TMOD2: variants seen among roughly 807,000 people sequenced by gnomAD.
TMOD2 encodes tropomodulin-2.
TMOD2 carries 22 observed loss-of-function variants against 39.9 expected under a neutral mutation model. The ratio of observed to expected loss-of-function variants is 0.55; its 90% CI spans 0.39 to 0.79. The LOEUF is 0.79. Among genes scored for constraint, TMOD2 ranks in the 30% least tolerant of loss-of-function variants. The probability of loss-of-function intolerance (pLI) is 0.00; values close to 1 mark genes in which losing one functional copy is unlikely to be tolerated. For missense variants in TMOD2, 386 were observed against 413.3 expected (o/e 0.93, Z 0.57); for synonymous variants, 123 against 146.1 (o/e 0.84, Z 1.14).
rs188553247 is a variant in TMOD2 at position 51,771,348 on chromosome 15, A to G, written c.284-2364A>G. Among the ~76,000 whole-genome samples, 33 of 152,328 alleles carry G rather than the reference A, an allele frequency of 2.2e-4. No homozygotes were observed. The East Asian group carries it at 5.4e-3, about 25-fold the overall frequency. On this transcript the variant is annotated intron_variant, in intron 3 of 9. Transcript: ENST00000249700. ...CTGCACAACCACAGTTCTGAACACT[A>G]TGTGCTGGCACACCTCAGGTTCCTG... is the stretch of plus-strand genomic sequence containing the variant.
At chr15:51,775,512 G>C (rs2055880523) in intron 4 of TMOD2, among the ~76,000 whole-genome samples, 1 of 151,790 alleles carries the variant, frequency 6.6e-6, no homozygotes, top group Non-Finnish European at 1.5e-5. Flanking sequence ...TTTATCAAAT[G>C]GGACACCTTC....
At position 51,810,666 on chromosome 15, in the gene TMOD2, A is replaced by G. The variant is rs2056150500; in HGVS notation, c.*2212A>G. ...TGCCGAAGGGAAGAACATTTCTCTT[A>G]GATGTCTTTTCTCCTCTTTGGATTT... On this transcript the variant is annotated 3_prime_UTR_variant, in exon 10 of 10. Coordinates refer to ENST00000249700, the MANE Select transcript of TMOD2 (RefSeq NM_014548.4). 1 of 151,906 alleles carries G rather than the reference A, an allele frequency of 6.6e-6. No homozygotes were observed. Among genetic ancestry groups the G allele is most frequent in the Non-Finnish European group, 1.5e-5 (1 of 67,986 alleles). 9.4% of individuals were successfully genotyped at this position (151,906 alleles called of 1,614,324 possible).
At chr15:51,787,497 G>C (rs2055978890) in intron 7 of TMOD2, among the ~76,000 whole-genome samples, 2 of 152,262 alleles carry the variant, frequency 1.3e-5, no homozygotes, top group African/African-American at 4.8e-5. Context: ...GAAGAGAGCA[G>C]TGCTTCTCCC....
At chr15:51,752,339 C>T (rs2055711353) in intron 1 of TMOD2, 1 of 152,114 alleles carries the variant, frequency 6.6e-6, no homozygotes, top group African/African-American at 2.4e-5. Context: ...CCCTGTTGAC[C>T]TGCGGAAATG....
chr15:51,756,512 A>G (rs1003119852), intron 1 of TMOD2: 26 of 152,194 alleles, frequency 1.7e-4, no homozygotes, highest in African/African-American at 5.6e-4. Flanking sequence ...GAAGGACCAG[A>G]AGTTTGGAGA....
intron 7 of TMOD2, among the ~76,000 whole-genome samples, chr15:51,785,184 G>T (rs574612809): frequency 9.3e-5 from 14 of 151,312 alleles, no homozygotes; most frequent in Non-Finnish European, 1.9e-4. Context: ...AGGCCGAGGC[G>T]GGTGGATCAT....
At chr15:51,784,570 G>A (rs1322489101) in intron 7 of TMOD2, 1 of 152,104 alleles carries the variant, frequency 6.6e-6, no homozygotes, top group Non-Finnish European at 1.5e-5. Context: ...GAGGAACCAG[G>A]CTACAAAAAT....
chr15:51,801,237 TCACA>T (rs546562505), intron 8 of TMOD2, among the ~76,000 whole-genome samples: 4,216 of 102,060 alleles, frequency 0.041, 96 homozygotes, highest in Middle Eastern at 0.15. Context: ...TCTCTCTCTC[TCACA>T]CACACACACA....
intron 8 of TMOD2, among the ~76,000 whole-genome samples, chr15:51,801,237 TCACACACACACACACACACA>T (rs546562505): frequency 9.8e-6 from 1 of 102,106 alleles, no homozygotes; most frequent in Non-Finnish European, 1.9e-5. Context: ...TCTCTCTCTC[TCACACACACACACACACACA>T]CACACACACA....
intron 1 of TMOD2, among the ~76,000 whole-genome samples, chr15:51,759,711 C>G (rs1175562812): frequency 6.6e-6 from 1 of 152,112 alleles, no homozygotes; most frequent in Non-Finnish European, 1.5e-5. Context: ...AACAGCATTC[C>G]AAGTAATATT....
At position 51,782,747 on chromosome 15, in the gene TMOD2, A is replaced by G. The variant is rs755189466; in HGVS notation, c.651A>G (p.Glu217=). Residue 217 remains glutamate (E), a synonymous_variant, in exon 7 of 10, where the codon GAA becomes GAG. Coordinates refer to ENST00000249700, the MANE Select transcript of TMOD2 (RefSeq NM_014548.4). ...IKNIPIPTLR[E]FAKALETNTH... ...ACATTCCAATTCCAACCCTGAGGGA[A>G]TTTGCAAAGGCTCTGGAGACCAACA... 1 of 1,613,738 alleles carries G rather than the reference A, an allele frequency of 6.2e-7. No homozygotes were observed. The highest frequency in any genetic ancestry group is 8.5e-7 in the Non-Finnish European group (1 of 1,179,662).
chr15:51,768,443 T>C, intron 3 of TMOD2, 25 bp downstream of exon 3: 1 of 1,589,870 alleles, frequency 6.3e-7, no homozygotes, highest in Non-Finnish European at 8.5e-7. Flanking sequence ...CAGAGCATCT[T>C]GGAACAGAGG....
intron 1 of TMOD2, among the ~76,000 whole-genome samples, chr15:51,757,325 C>T (rs2055748698): frequency 6.8e-6 from 1 of 147,886 alleles, no homozygotes; most frequent in South Asian, 2.1e-4. Context: ...TGGCGTGAAC[C>T]CGGGAGGCAG....
In TMOD2 at chr15:51,808,471, G is replaced by C. The variant is rs771097615; in HGVS notation, c.*17G>C. 2.5e-6 allele frequency: 4 copies of C among 1,609,820 alleles called. No individual in the cohort carries two copies. The highest frequency in any genetic ancestry group is 3.4e-6 in the Non-Finnish European group (4 of 1,177,298). ...CGAAGGTAAACTTCCTTGAGGAGAA[G>C]TGAAGTTTCACTGTGGTATGGCCAT... On this transcript the variant is annotated 3_prime_UTR_variant, in exon 10 of 10. Coordinates refer to ENST00000249700, the MANE Select transcript of TMOD2 (RefSeq NM_014548.4).
intron 3 of TMOD2, among the ~76,000 whole-genome samples, 181 bp downstream of exon 3, chr15:51,768,599 G>A (rs1297399184): frequency 2.0e-5 from 3 of 152,072 alleles, no homozygotes; most frequent in Admixed American, 6.5e-5. Flanking sequence ...TTTTATTGTC[G>A]TGGAGGGTCA....
intron 8 of TMOD2, among the ~76,000 whole-genome samples, chr15:51,800,636 G>A (rs1392691146): frequency 6.6e-6 from 1 of 152,076 alleles, no homozygotes; most frequent in East Asian, 1.9e-4. Context: ...ATGGATTTGT[G>A]TAGTTTTTCA....
At chr15:51,796,900 C>T (rs548358819) in intron 7 of TMOD2, among the ~76,000 whole-genome samples, 11 of 152,250 alleles carry the variant, frequency 7.2e-5, no homozygotes, top group South Asian at 4.1e-4. Flanking sequence ...GATCCTGGCT[C>T]ATCCAGCCAT....
At chr15:51,755,184 G>C (rs543468034) in intron 1 of TMOD2, among the ~76,000 whole-genome samples, 2 of 152,234 alleles carry the variant, frequency 1.3e-5, no homozygotes, top group Admixed American at 6.5e-5. Context: ...TAACTTTAAG[G>C]CTTCGTGGTT....
At chr15:51,761,602 TAC>T (rs2055781328) in intron 1 of TMOD2, among the ~76,000 whole-genome samples, 1 of 151,494 alleles carries the variant, frequency 6.6e-6, no homozygotes. Context: ...GGCATGGTGA[TAC>T]ACACCTGTAG....
Sources: gnomAD v4.1 joint callset for allele counts (sites outside exome capture counted in the v4.1 genomes callset) on GRCh38, gnomAD v4.1.1 for gene constraint, MANE v1.5 for transcripts, NCBI Gene and HGNC (gene_info 2026-07-23, HGNC 2026-07-21) for gene names.